CFAP20DC: variants seen among roughly 807,000 people sequenced by gnomAD.
CFAP20DC encodes the protein CFAP20 domain containing.
In CFAP20DC, 84 loss-of-function variants were observed where a neutral mutation model predicts 101.7. The ratio of observed to expected loss-of-function variants is 0.83; its 90% CI spans 0.69 to 0.99. The LOEUF is 0.99. Among genes scored for constraint, CFAP20DC ranks in the 50% least tolerant of loss-of-function variants. The pLI is 0.00. For synonymous variants in CFAP20DC, 359 were observed against 351.2 expected (o/e 1.02, Z -0.25); for missense variants, 1,007 against 970.3 (o/e 1.04, Z -0.50).
intron 4 of CFAP20DC, among the ~76,000 whole-genome samples, chr3:58,994,546 GTTC>G (rs1340491755): frequency 6.6e-6 from 1 of 152,052 alleles, no homozygotes; most frequent in East Asian, 1.9e-4. Context: ...TTAAAACTGT[GTTC>G]TTCTCCTCGT....
intron 15 of CFAP20DC, among the ~76,000 whole-genome samples, chr3:58,801,590 A>T (rs2073708353): frequency 6.6e-6 from 1 of 152,038 alleles, no homozygotes; most frequent in Admixed American, 6.5e-5. Flanking sequence ...AATAGAAGAG[A>T]TGCCCATCAG....
At chr3:58,954,504 T>C (rs1559891422) in intron 4 of CFAP20DC, among the ~76,000 whole-genome samples, 1 of 152,178 alleles carries the variant, frequency 6.6e-6, no homozygotes, top group Non-Finnish European at 1.5e-5. Flanking sequence ...TAGGTACAGT[T>C]ACAAGGAAAT....
chr3:58,839,211 T>C (rs1391431003), intron 13 of CFAP20DC, among the ~76,000 whole-genome samples: 4 of 152,242 alleles, frequency 2.6e-5, no homozygotes, highest in Non-Finnish European at 4.4e-5. Flanking sequence ...CACATGATCA[T>C]GGAATGTTTT....
At chr3:58,811,735 T>C (rs992895905) in intron 14 of CFAP20DC, among the ~76,000 whole-genome samples, 20 of 152,044 alleles carry the variant, frequency 1.3e-4, no homozygotes, top group South Asian at 8.3e-4. Flanking sequence ...AGCTTCTGCA[T>C]AGCAAAAGAA....
chr3:58,836,119 T>C (rs1028987075), intron 13 of CFAP20DC, among the ~76,000 whole-genome samples: 5 of 152,074 alleles, frequency 3.3e-5, no homozygotes, highest in Admixed American at 2.0e-4. Context: ...CTGATCTTTC[T>C]CCAGACATTA....
At chr3:58,910,809 A>G (rs2084072846) in intron 6 of CFAP20DC, among the ~76,000 whole-genome samples, 1 of 152,004 alleles carries the variant, frequency 6.6e-6, no homozygotes, top group African/African-American at 2.4e-5. Flanking sequence ...TTATATCTTC[A>G]GAGGAAGAAA....
At position 58,874,605 on chromosome 3, in the gene CFAP20DC, A is replaced by G. The variant is rs887819144; in HGVS notation, c.716-4296T>C. Among the ~76,000 whole-genome samples, 1 of 152,082 alleles carries G rather than the reference A, an allele frequency of 6.6e-6. No homozygotes were observed. Among genetic ancestry groups the G allele is most frequent in the African/African-American group, 2.4e-5 (1 of 41,422 alleles). ...TTCCTGCCTACTAGAGTGTTTGTGT[A>G]TGCTGTTCATGGCAAGAAGGCTTTT... On this transcript the variant is annotated intron_variant, in intron 7 of 16. Coordinates refer to ENST00000482387, the MANE Select transcript of CFAP20DC (RefSeq NM_001394063.1). This position sits in a 1 kb window ranked among gnomAD's most constrained non-coding sequence, Gnocchi z 5.1.
At chr3:58,727,640 T>C (rs1021802772) in intron 3 of CFAP20DC, 1 of 152,266 alleles carries the variant, frequency 6.6e-6, no homozygotes, top group African/African-American at 2.4e-5. Context: ...GGTTTCACCA[T>C]GTTGGTCAGG....
At chr3:59,011,184 G>A (rs970323255) in intron 4 of CFAP20DC, among the ~76,000 whole-genome samples, 1 of 152,182 alleles carries the variant, frequency 6.6e-6, no homozygotes, top group Non-Finnish European at 1.5e-5. Flanking sequence ...AATCACTTGA[G>A]GTCAGTAGCT....
At chr3:58,819,422 A>G (rs1303992283) in intron 14 of CFAP20DC, among the ~76,000 whole-genome samples, 1 of 151,820 alleles carries the variant, frequency 6.6e-6, no homozygotes, top group Non-Finnish European at 1.5e-5. Flanking sequence ...AAAAGAGAGA[A>G]GAATCAAATA....
rs1328729813 is a variant in CFAP20DC, at chr3:58,728,353, G to A, written c.198-10725C>T. On this transcript the variant is annotated intron_variant, in intron 3 of 3. Transcript: ENST00000486145. This position sits in a 1 kb window ranked among gnomAD's most constrained non-coding sequence, Gnocchi z 4.7. ...ACGTCCTCATATTAGAGAAATAGCT[G>A]GCTAAATGAATAGATTCCTGAAAGT... Among the ~76,000 whole-genome samples, 2 of 152,224 alleles carry A rather than the reference G, an allele frequency of 1.3e-5. No homozygotes were observed. Among genetic ancestry groups the A allele is most frequent in the African/African-American group, 2.4e-5 (1 of 41,448 alleles).
At chr3:58,828,979 C>G (rs566029986) in intron 14 of CFAP20DC, among the ~76,000 whole-genome samples, 2 of 152,162 alleles carry the variant, frequency 1.3e-5, no homozygotes, top group Admixed American at 6.6e-5. Context: ...AATGAAGATG[C>G]CTTCCAAATT....
At chr3:58,814,401 T>A (rs1001217797) in intron 14 of CFAP20DC, among the ~76,000 whole-genome samples, 1 of 151,578 alleles carries the variant, frequency 6.6e-6, no homozygotes, top group Admixed American at 6.6e-5. Context: ...GCCAGTATCA[T>A]ACTGAATGGG....
chr3:58,921,512 G>C (rs530741739), intron 5 of CFAP20DC, among the ~76,000 whole-genome samples: 1 of 152,000 alleles, frequency 6.6e-6, no homozygotes, highest in African/African-American at 2.4e-5. Flanking sequence ...TGACTTAGAA[G>C]TATGTTACTT....
At position 58,926,091 on chromosome 3, in the gene CFAP20DC, C is replaced by A. The variant is rs190400173; in HGVS notation, c.393+11557G>T. On this transcript the variant is annotated intron_variant, in intron 5 of 16. Transcript: ENST00000482387. ...ATTTAAAAATAATATTCAGGCCAGG[C>A]ACAGTGGCTCATACCTGTAATCCCA... 6.6e-5 allele frequency among the ~76,000 whole-genome samples: 10 copies of A among 152,060 alleles called. No individual in the cohort carries two copies. The East Asian group carries it at 1.9e-3, about 29-fold the overall frequency.
intron 16 of CFAP20DC, among the ~76,000 whole-genome samples, chr3:58,750,137 G>A (rs936966267): frequency 2.6e-5 from 4 of 152,180 alleles, no homozygotes; most frequent in African/African-American, 9.7e-5. Context: ...GAAACTGGCT[G>A]TGACACAAAC....
chr3:58,737,224 T>C (rs1193424051), downstream of CFAP20DC: 3 of 456,236 alleles, frequency 6.6e-6, no homozygotes, highest in East Asian at 7.0e-5. The surrounding 1 kb of genome is among the most constrained non-coding windows in gnomAD (Gnocchi z 4.1). Context: ...GTGTGAAATA[T>C]CTGGGCAAAG....
chr3:59,046,168 G>T, intron 3 of CFAP20DC, 61 bp downstream of exon 3: 1 of 1,127,304 alleles, frequency 8.9e-7, no homozygotes, highest in Non-Finnish European at 1.3e-6. Flanking sequence ...CTGTTTATGA[G>T]ACATAAAAGC....
At chr3:58,943,666 A>C (rs1044127511) in intron 4 of CFAP20DC, among the ~76,000 whole-genome samples, 7 of 152,148 alleles carry the variant, frequency 4.6e-5, no homozygotes, top group Admixed American at 1.3e-4. Flanking sequence ...CACTTCTTTT[A>C]CTCCAAAGGA....
Sources: gnomAD v4.1 joint callset for allele counts (sites outside exome capture counted in the v4.1 genomes callset) on GRCh38, gnomAD v4.1.1 for gene constraint, Gnocchi (gnomAD v3.1) non-coding constraint, MANE v1.5 for transcripts, NCBI Gene and HGNC (gene_info 2026-07-23, HGNC 2026-07-21) for gene names.